Variants in KALRN observed in about 807,000 individuals in gnomAD.
The protein encoded by KALRN is kalirin RhoGEF kinase.
KALRN carries 70 observed loss-of-function variants against 353.7 expected under a neutral mutation model. That is an observed-to-expected ratio of 0.20 (90% confidence interval 0.16 to 0.24). KALRN has a LOEUF of 0.24. KALRN is among the 10% of genes least tolerant of loss of function. KALRN has a pLI of 1.00. For synonymous variants in KALRN, 1,391 were observed against 1,434.8 expected (o/e 0.97, Z 0.69); for missense variants, 2,791 against 3,756.7 (o/e 0.74, Z 6.72).
chr3:124,668,042 A>T (rs2085869063), intron 47 of KALRN, among the ~76,000 whole-genome samples: 1 of 118,174 alleles, frequency 8.5e-6, no homozygotes, highest in African/African-American at 3.4e-5. Flanking sequence ...CTGTATATCG[A>T]GACACACACA....
At chr3:124,205,283 A>G (rs1421652909) in intron 1 of KALRN, among the ~76,000 whole-genome samples, 1 of 152,216 alleles carries the variant, frequency 6.6e-6, no homozygotes, top group Non-Finnish European at 1.5e-5. Flanking sequence ...GAAAATTACA[A>G]TTAGTTCTCA....
intron 1 of KALRN, among the ~76,000 whole-genome samples, chr3:124,150,821 A>G (rs78880322): frequency 0.021 from 3,180 of 152,274 alleles, 179 homozygotes; most frequent in East Asian, 0.17. Context: ...GATCAATAAC[A>G]TTATGAGCAC....
intron 5 of KALRN, among the ~76,000 whole-genome samples, chr3:124,274,925 A>C (rs1325217033): frequency 6.6e-6 from 1 of 152,210 alleles, no homozygotes; most frequent in Admixed American, 6.5e-5. Context: ...TGCCATGCTG[A>C]AATGGAGCTG....
At position 124,264,571 on chromosome 3, in the gene KALRN, C is replaced by A. The variant is rs778530203; in HGVS notation, c.337C>A (p.Leu113Ile). ...CTCCAAGTGGGACCTCATCAAGCCC[C>A]TCCTCAAAACGCTGCAGGAAGCCTT... ...RGSKWDLIKP[L>I]LKTLQEAFPA... Residue 113 changes from leucine (L) to isoleucine (I), a missense_variant, in exon 4 of 60, where the codon CTC becomes ATC. Physicochemically the swap from Leu to Ile is conservative, Grantham distance 5. Transcript: ENST00000682506. 3 of 1,614,084 alleles carry A rather than the reference C, an allele frequency of 1.9e-6. No individual in the cohort carries two copies.
chr3:124,269,618 C>T (rs571149763), intron 5 of KALRN, among the ~76,000 whole-genome samples: 4 of 152,268 alleles, frequency 2.6e-5, no homozygotes, highest in South Asian at 4.2e-4. Flanking sequence ...GAAGCTGCCC[C>T]GAGTGCCTGC....
At chr3:124,205,667 A>G (rs758850839) in intron 1 of KALRN, among the ~76,000 whole-genome samples, 3 of 152,198 alleles carry the variant, frequency 2.0e-5, no homozygotes, top group Admixed American at 6.5e-5. Context: ...TGGAGGTTGG[A>G]GATGCAACTG....
intron 9 of KALRN, among the ~76,000 whole-genome samples, chr3:124,341,059 G>A (rs1371210945): frequency 6.6e-6 from 1 of 152,222 alleles, no homozygotes; most frequent in Non-Finnish European, 1.5e-5. Context: ...ATTGTATGCT[G>A]GTTGGAATAA....
intron 37 of KALRN, among the ~76,000 whole-genome samples, chr3:124,642,194 G>A (rs570345704): frequency 1.3e-5 from 2 of 152,252 alleles, no homozygotes; most frequent in South Asian, 4.1e-4. Context: ...TGAGGCATAA[G>A]AATCGCTTGA....
At chr3:124,198,556 T>G (rs1455204271) in intron 1 of KALRN, among the ~76,000 whole-genome samples, 1 of 152,184 alleles carries the variant, frequency 6.6e-6, no homozygotes, top group Non-Finnish European at 1.5e-5. Context: ...GCTGCCTGGC[T>G]GAGCTACCAG....
Position 124,280,374 on chromosome 3 carries a change from A to G in KALRN, c.969+11119A>G, listed in dbSNP as rs1029825089. ...AGTCCCATCTCTGTCTCCCAGGGTCATTGGGGAACTACTCTCTTCCTTCCC... is the reference window on the plus strand; with the variant it reads ...AGTCCCATCTCTGTCTCCCAGGGTCGTTGGGGAACTACTCTCTTCCTTCCC... On this transcript the variant is annotated intron_variant, in intron 5 of 59. Coordinates refer to ENST00000682506, the MANE Select transcript of KALRN (RefSeq NM_001388419.1). Among the ~76,000 whole-genome samples the G allele has an allele frequency of 2.6e-5, 4 of 152,236 alleles. No individual in the cohort carries two copies. In the South Asian group the frequency reaches 8.3e-4, roughly 32 times the overall value.
At chr3:124,276,326 C>A (rs1317212136) in intron 5 of KALRN, among the ~76,000 whole-genome samples, 1 of 152,178 alleles carries the variant, frequency 6.6e-6, no homozygotes, top group African/African-American at 2.4e-5. Context: ...ATTAGCATTG[C>A]AGGACATCCC....
intron 34 of KALRN, among the ~76,000 whole-genome samples, chr3:124,616,820 C>T (rs776089086): frequency 3.7e-4 from 56 of 152,028 alleles, no homozygotes; most frequent in African/African-American, 1.2e-3. Context: ...AAAAAATTAG[C>T]CGGACATGGT....
At chr3:124,625,252 G>A (rs1285640990) in intron 34 of KALRN, among the ~76,000 whole-genome samples, 1 of 152,148 alleles carries the variant, frequency 6.6e-6, no homozygotes, top group Non-Finnish European at 1.5e-5. Context: ...GTGCCCAGTG[G>A]TGGAGCCAGA....
rs1215285323 is a variant in KALRN, at chr3:124,326,136, G to A, written c.1249G>A (p.Ala417Thr). 3.1e-6 allele frequency: 5 copies of A among 1,613,176 alleles called. No homozygotes were observed. The highest frequency in any genetic ancestry group is 3.3e-5 in the Admixed American group (2 of 59,944). The change falls in exon 7 of 60, where the codon GCC becomes ACC. Residue 417 changes from alanine (A) to threonine (T), a missense_variant. This residue lies in a region of KALRN where 366 missense variants were observed against 489.2 expected (regional missense o/e 0.75). Coordinates refer to ENST00000682506, the MANE Select transcript of KALRN (RefSeq NM_001388419.1). ...AALDERSTIL[A>T]MSAVFHQKAE... ...CCTGGATGAACGCAGCACCATCCTC[G>A]CCATGTCTGCTGTGTTCCACCAGAA...
intron 10 of KALRN, among the ~76,000 whole-genome samples, chr3:124,382,991 T>C (rs1380860375): frequency 1.3e-5 from 2 of 152,234 alleles, no homozygotes; most frequent in African/African-American, 2.4e-5. Context: ...CATATGAAGC[T>C]GCTGTTTTTC....
chr3:124,709,040 C>T (rs2062770260), intron 57 of KALRN, among the ~76,000 whole-genome samples: 1 of 151,818 alleles, frequency 6.6e-6, no homozygotes, highest in Admixed American at 6.6e-5. Context: ...AAATATCCTC[C>T]AGGTGAAATG....
chr3:124,602,287 A>G (rs13058993), intron 34 of KALRN, among the ~76,000 whole-genome samples: 50,151 of 151,964 alleles, frequency 0.33, 8,665 homozygotes, highest in Middle Eastern at 0.4. Flanking sequence ...ACCCTGAGTT[A>G]AGTGATATGC....
At chr3:124,283,749 G>A (rs889162107) in intron 5 of KALRN, among the ~76,000 whole-genome samples, 1 of 152,324 alleles carries the variant, frequency 6.6e-6, no homozygotes, top group South Asian at 2.1e-4. Context: ...TGCGAGGAGA[G>A]TGGCCTTTTA....
At chr3:124,546,288 C>T (rs2069641848) in intron 33 of KALRN, among the ~76,000 whole-genome samples, 1 of 70,062 alleles carries the variant, frequency 1.4e-5, no homozygotes, top group African/African-American at 9.6e-5. Context: ...ACCCCCATCT[C>T]TCAAAAAAAA....
Sources: gnomAD v4.1 joint callset for allele counts (sites outside exome capture counted in the v4.1 genomes callset) on GRCh38, gnomAD v4.1.1 for gene constraint, gnomAD v4.1.1 regional missense constraint, MANE v1.5 for transcripts, NCBI Gene and HGNC (gene_info 2026-07-23, HGNC 2026-07-21) for gene names.